BCR: variants seen among roughly 807,000 people sequenced by gnomAD.
The protein encoded by BCR is breakpoint cluster region protein.
BCR carries 58 observed loss-of-function variants against 138.6 expected under a neutral mutation model. The ratio of observed to expected loss-of-function variants is 0.42; its 90% CI spans 0.34 to 0.52. The LOEUF (loss-of-function observed/expected upper bound fraction) is 0.52, where lower values mean the gene tolerates loss of function less well. Among genes scored for constraint, BCR ranks in the 20% least tolerant of loss-of-function variants. The pLI is 0.06. For missense variants in BCR, 1,599 were observed against 1,727.2 expected, an observed-to-expected ratio of 0.93 and a Z score of 1.32; for synonymous variants, 786 against 730.1, an observed-to-expected ratio of 1.08 and a Z score of -1.23.
In BCR at chr22:23,277,361, G is replaced by C. The variant is rs60096976; in HGVS notation, c.2115+3587G>C. Among the ~76,000 whole-genome samples the C allele has an allele frequency of 2.8e-3, 426 of 152,280 alleles. 3 individuals are homozygous for C. Among genetic ancestry groups the C allele is most frequent in the African/African-American group, 8.9e-3 (371 of 41,544 alleles). On this transcript the variant is annotated intron_variant, in intron 8 of 22. Transcript: ENST00000305877. ...CGAGTGAGGCCATGGGCCCCTGGCC[G>C]CCTGTGTGCCCCTCGGGTGTGTTAC...
intron 1 of BCR, among the ~76,000 whole-genome samples, chr22:23,213,779 G>C (rs562407993): frequency 2.0e-5 from 3 of 151,628 alleles, no homozygotes; most frequent in Admixed American, 2.0e-4. Flanking sequence ...GCTATAGTGA[G>C]CTATGATTGC....
intron 17 of BCR, 61 bp from the exon 18 acceptor site, chr22:23,310,263 G>A (rs1202668962): frequency 1.9e-5 from 16 of 824,616 alleles, no homozygotes; most frequent in Non-Finnish European, 3.0e-5. Flanking sequence ...AGGGGTCCTT[G>A]GGACCTTGGG....
At chr22:23,225,813 G>A (rs779600317) in intron 1 of BCR, among the ~76,000 whole-genome samples, 15 of 152,194 alleles carry the variant, frequency 9.9e-5, no homozygotes, top group Non-Finnish European at 1.8e-4. Flanking sequence ...TGCTGTCAGG[G>A]AGCCTGGGGG....
At chr22:23,204,224 T>C (rs553522037) in intron 1 of BCR, among the ~76,000 whole-genome samples, 1 of 151,982 alleles carries the variant, frequency 6.6e-6, no homozygotes, top group East Asian at 1.9e-4. Context: ...TCATGGATTA[T>C]GGAGCTGGGA....
intron 16 of BCR, among the ~76,000 whole-genome samples, chr22:23,304,919 A>G (rs1350632007): frequency 6.6e-6 from 1 of 152,192 alleles, no homozygotes; most frequent in African/African-American, 2.4e-5. Flanking sequence ...GTTCAAGACC[A>G]GCCTGACCAA....
At chr22:23,285,243 A>T in intron 10 of BCR, 42 bp downstream of exon 10, 1 of 1,572,996 alleles carries the variant, frequency 6.4e-7, no homozygotes, top group Non-Finnish European at 8.6e-7. Context: ...GTGTGGTCAG[A>T]GTGGCAGCAG....
At chr22:23,260,811 C>G in intron 2 of BCR, 139 bp from the exon 3 acceptor site, 1 of 807,692 alleles carries the variant, frequency 1.2e-6, no homozygotes, top group Non-Finnish European at 2.1e-6. Flanking sequence ...CCCTGCCTCC[C>G]TTTAATTCCA....
At chr22:23,227,628 T>C (rs950523136) in intron 1 of BCR, among the ~76,000 whole-genome samples, 1 of 152,258 alleles carries the variant, frequency 6.6e-6, no homozygotes, top group African/African-American at 2.4e-5. Flanking sequence ...CTTGATGGCC[T>C]CTAGGAGATC....
In BCR at chr22:23,253,382, G is replaced by A. The variant is rs142157917; in HGVS notation, c.1280-417G>A. ...CTCTAATCGTGTGGTTGGTTCTCCCGGCAACCAGCCCCCTTCCTGAGGCTA... is the reference window on the plus strand; with the variant it reads ...CTCTAATCGTGTGGTTGGTTCTCCCAGCAACCAGCCCCCTTCCTGAGGCTA... On this transcript the variant is annotated intron_variant, in intron 1 of 22. Coordinates refer to ENST00000305877, the MANE Select transcript of BCR (RefSeq NM_004327.4). Among the ~76,000 whole-genome samples, 218 of 152,174 alleles carry A rather than the reference G, an allele frequency of 1.4e-3. 1 individual carries two copies. Among genetic ancestry groups the A allele is most frequent in the African/African-American group, 5.1e-3 (212 of 41,522 alleles).
chr22:23,262,755 AAGGGAGGGTGACG>A, intron 4 of BCR: 1 of 917,542 alleles, frequency 1.1e-6, no homozygotes, highest in Non-Finnish European at 1.3e-6. Context: ...AAGCTGCAGG[AAGGGAGGGTGACG>A]AGGGGGAAGC....
chr22:23,228,266 A>G (rs898569863), intron 1 of BCR, among the ~76,000 whole-genome samples: 1 of 152,160 alleles, frequency 6.6e-6, no homozygotes, highest in African/African-American at 2.4e-5. Flanking sequence ...TGCATCCTAC[A>G]AATTTTTATA....
At chr22:23,290,002 A>G (rs905927029) in intron 13 of BCR, 1 of 506,334 alleles carries the variant, frequency 2.0e-6, no homozygotes, top group South Asian at 2.1e-5. Flanking sequence ...ACTGTTGCAC[A>G]TATGCTCAGT....
intron 16 of BCR, among the ~76,000 whole-genome samples, chr22:23,305,148 A>T (rs2073943812): frequency 6.6e-6 from 1 of 150,906 alleles, no homozygotes. Context: ...GATGGATCTC[A>T]GGAGAGCAGA....
In BCR at chr22:23,181,944, T is replaced by C. The variant is rs767700273; in HGVS notation, c.984T>C (p.Tyr328=). The change falls in exon 1 of 23, where the codon TAT becomes TAC. Residue 328 remains tyrosine, a synonymous_variant. Transcript: ENST00000305877. ...GTTTTGAGGATTGCGGAGGCGGCTA[T>C]ACCCCGGACTGCAGCTCCAATGAGA... ...PRSFEDCGGG[Y]TPDCSSNENL... 6 of 1,612,988 alleles carry C rather than the reference T, an allele frequency of 3.7e-6. No homozygotes were observed. The East Asian group carries it at 1.1e-4, about 30-fold the overall frequency.
Position 23,271,604 on chromosome 22 carries a change from A to G in BCR, c.1921+12A>G, listed in dbSNP as rs1349581835. ...GAACTCTCTGGAAAGTGAGTTCTGCATGCTGAGGTCTCTGTGTGCCCTCGT... is the reference window on the plus strand; with the variant it reads ...GAACTCTCTGGAAAGTGAGTTCTGCGTGCTGAGGTCTCTGTGTGCCCTCGT... On this transcript the variant is annotated intron_variant, in intron 6 of 22. Transcript: ENST00000305877. 18 of 1,613,326 alleles carry G rather than the reference A, an allele frequency of 1.1e-5. No individual in the cohort carries two copies. The highest frequency in any genetic ancestry group is 2.2e-5 in the South Asian group (2 of 91,072).
intron 8 of BCR, 165 bp from the exon 9 acceptor site, chr22:23,283,812 A>G: frequency 1.1e-6 from 1 of 919,026 alleles, no homozygotes; most frequent in East Asian, 2.8e-5. Flanking sequence ...GAGATGAACA[A>G]AACGTTCTGG....
intron 15 of BCR, 48 bp from the exon 16 acceptor site, chr22:23,294,976 T>C: frequency 1.2e-6 from 2 of 1,603,632 alleles, no homozygotes; most frequent in Non-Finnish European, 1.7e-6. Flanking sequence ...AGCCATAACA[T>C]TGACCCGTTT....
chr22:23,295,109 A>T lies in BCR; in HGVS notation c.2966A>T (p.Glu989Val), dbSNP rs1423187075. ...TACAACAAGACGAAGATCCCCAAGG[A>T]GGACGGCGAGAGCACGGACAGACTC... The part of the protein sequence containing the change: ...KCYNKTKIPK[E>V]DGESTDRLMG... The change falls in exon 16 of 23, where the codon GAG becomes GTG. Residue 989 changes from glutamate (E) to valine (V), a missense_variant. Physicochemically the swap from Glu to Val is moderately radical, Grantham distance 121. Transcript: ENST00000305877. 6.2e-7 allele frequency: 1 copy of T among 1,614,160 alleles called. No individual in the cohort carries two copies. Among genetic ancestry groups the T allele is most frequent in the Non-Finnish European group, 8.5e-7 (1 of 1,180,022 alleles).
At chr22:23,232,300 T>A (rs899359679) in intron 1 of BCR, among the ~76,000 whole-genome samples, 4 of 152,230 alleles carry the variant, frequency 2.6e-5, no homozygotes, top group African/African-American at 7.2e-5. Flanking sequence ...ATCCACTTTT[T>A]ATTGACAAGA....
Sources: allele counts gnomAD v4.1 joint callset (sites outside exome capture counted in the v4.1 genomes callset), GRCh38; gene constraint gnomAD v4.1.1; transcripts MANE v1.5; gene names NCBI Gene and HGNC (gene_info 2026-07-23, HGNC 2026-07-21).